Variants in FBXL13 observed in about 807,000 individuals in gnomAD.
FBXL13 encodes the protein F-box and leucine-rich repeat protein 13.
In FBXL13, 67 loss-of-function variants were observed where a neutral mutation model predicts 83.6. The ratio of observed to expected loss-of-function variants is 0.80; its 90% CI spans 0.66 to 0.98. The LOEUF (loss-of-function observed/expected upper bound fraction) is 0.98. Ranked by LOEUF, FBXL13 falls within the 50% of genes least tolerant of loss-of-function variation. The probability of loss-of-function intolerance (pLI) is 0.00; values close to 1 mark genes in which losing one functional copy is unlikely to be tolerated. For synonymous variants in FBXL13, 272 were observed against 299.5 expected (o/e 0.91, Z 0.95); for missense variants, 822 against 866.5 (o/e 0.95, Z 0.64).
rs142101538 is a variant in FBXL13, at chr7:102,842,983, C to T, written c.1720-10009G>A. On this transcript the variant is annotated intron_variant, in intron 17 of 19. Transcript: ENST00000313221. ...GCTTATGATTGTGCCACATGGCTGCCGCCCTTCCCAGTCCCTTATGCCGAA... is the reference window on the plus strand; with the variant it reads ...GCTTATGATTGTGCCACATGGCTGCTGCCCTTCCCAGTCCCTTATGCCGAA... Among the ~76,000 whole-genome samples the T allele has an allele frequency of 2.0e-3, 308 of 152,330 alleles. 7 individuals are homozygous for T. In the East Asian group the frequency reaches 0.052, roughly 26 times the overall value.
intron 1 of FBXL13, among the ~76,000 whole-genome samples, chr7:103,060,045 T>TATATATATATATAC (rs1797736994): frequency 1.0e-5 from 1 of 98,940 alleles, no homozygotes; most frequent in Admixed American, 9.0e-5. Flanking sequence ...TATATATATA[T>TATATATATATATAC]ATATATATAT....
At chr7:102,845,586 C>T (rs1803797516) in intron 17 of FBXL13, among the ~76,000 whole-genome samples, 1 of 152,190 alleles carries the variant, frequency 6.6e-6, no homozygotes, top group African/African-American at 2.4e-5. Flanking sequence ...TCTTTAACCA[C>T]ATCTTCACAC....
intron 11 of FBXL13, among the ~76,000 whole-genome samples, chr7:102,898,564 T>C (rs1812565016): frequency 6.6e-6 from 1 of 152,126 alleles, no homozygotes. Context: ...GTGTGGGGAT[T>C]ACAAGCATGA....
chr7:102,840,541 C>G (rs990172432), intron 17 of FBXL13, among the ~76,000 whole-genome samples: 2 of 152,188 alleles, frequency 1.3e-5, no homozygotes, highest in Admixed American at 6.5e-5. Context: ...TGTTCTTAGT[C>G]TTTCCCAAGA....
At chr7:103,018,834 T>C (rs1199152107) in intron 6 of FBXL13, among the ~76,000 whole-genome samples, 1 of 151,070 alleles carries the variant, frequency 6.6e-6, no homozygotes, top group African/African-American at 2.4e-5. Context: ...AGCAAGTCCT[T>C]AGAGACCTAC....
intron 6 of FBXL13, among the ~76,000 whole-genome samples, chr7:102,995,877 G>A (rs749491189): frequency 6.6e-6 from 1 of 152,048 alleles, no homozygotes; most frequent in Non-Finnish European, 1.5e-5. Context: ...GCAAAAACTG[G>A]CAATGATTTC....
At chr7:102,887,457 ATG>A (rs1410930832) in intron 11 of FBXL13, among the ~76,000 whole-genome samples, 1 of 151,944 alleles carries the variant, frequency 6.6e-6, no homozygotes, top group Non-Finnish European at 1.5e-5. Context: ...AAGTGTGTGT[ATG>A]TGTGTGTATG....
At chr7:102,848,892 C>T (rs1254277591) in intron 17 of FBXL13, among the ~76,000 whole-genome samples, 2 of 151,974 alleles carry the variant, frequency 1.3e-5, no homozygotes, top group Non-Finnish European at 2.9e-5. Context: ...CCCAGCTACT[C>T]GGGAGGCTGA....
chr7:102,977,264 C>A (rs191025530), intron 6 of FBXL13, among the ~76,000 whole-genome samples: 1 of 152,096 alleles, frequency 6.6e-6, no homozygotes, highest in Non-Finnish European at 1.5e-5. Context: ...CTAACCAAAC[C>A]GCCTCCGTCC....
chr7:102,888,446 G>A (rs866499452), intron 11 of FBXL13, among the ~76,000 whole-genome samples: 6 of 152,378 alleles, frequency 3.9e-5, no homozygotes, highest in Middle Eastern at 3.4e-3. Flanking sequence ...GGCTGAGGCA[G>A]GAGAATCGCC....
At chr7:102,923,430 G>A (rs576739537) in intron 10 of FBXL13, among the ~76,000 whole-genome samples, 10 of 152,254 alleles carry the variant, frequency 6.6e-5, no homozygotes, top group African/African-American at 1.9e-4. Flanking sequence ...CATTTTCACC[G>A]TAGAGATACA....
chr7:102,827,334 G>A (rs1799908034), intron 18 of FBXL13, among the ~76,000 whole-genome samples: 1 of 152,038 alleles, frequency 6.6e-6, no homozygotes, highest in Admixed American at 6.6e-5. Flanking sequence ...GCAACCCTGG[G>A]GCCAACCACT....
At chr7:102,942,716 C>T (rs1356105425) in intron 8 of FBXL13, among the ~76,000 whole-genome samples, 1 of 152,000 alleles carries the variant, frequency 6.6e-6, no homozygotes, top group Non-Finnish European at 1.5e-5. Flanking sequence ...TTGCTTGGTA[C>T]CAAAATAGAA....
In FBXL13 at chr7:102,834,133, AG is replaced by A. The variant is rs1169955247; in HGVS notation, c.1720-1160del. ...AAGAAAGAAAGAAAGAAAGAAAGAA[AG>A]AAAGAAAAGAGAAGACAAGAGAAAA... On this transcript the variant is annotated intron_variant, in intron 17 of 19. Transcript: ENST00000313221. Among the ~76,000 whole-genome samples the A allele has an allele frequency of 1.1e-4, 9 of 83,592 alleles. 1 individual carries two copies. Among genetic ancestry groups the A allele is most frequent in the African/African-American group, 5.0e-4 (9 of 18,002 alleles). 54.8% of individuals were successfully genotyped at this position (83,592 alleles called of 152,430 possible). A position where few individuals can be genotyped will look rare whatever the true frequency, so the allele number is the denominator to read the frequency against.
intron 16 of FBXL13, among the ~76,000 whole-genome samples, chr7:102,871,150 C>T (rs754890918): frequency 1.3e-5 from 2 of 152,064 alleles, no homozygotes; most frequent in Admixed American, 6.5e-5. Flanking sequence ...CCTCATGCCC[C>T]TATGCCCTCC....
intron 2 of FBXL13, among the ~76,000 whole-genome samples, chr7:103,032,149 A>G (rs1794574263): frequency 1.3e-5 from 2 of 152,338 alleles, no homozygotes; most frequent in Admixed American, 6.5e-5. Flanking sequence ...AAAAGATATT[A>G]TATGTAGCAT....
intron 16 of FBXL13, among the ~76,000 whole-genome samples, chr7:102,870,334 TAAAG>T (rs1394374102): frequency 5.3e-5 from 8 of 152,276 alleles, no homozygotes; most frequent in African/African-American, 1.7e-4. Context: ...TATGTTTTCT[TAAAG>T]AAAGAATGAA....
chr7:102,874,217 G>A (rs187390747), intron 16 of FBXL13: 78 of 295,598 alleles, frequency 2.6e-4, no homozygotes, highest in African/African-American at 1.5e-3. Flanking sequence ...TGAATGTTAC[G>A]TCTGTAGTCA....
At chr7:103,066,672 C>T (rs897872937) in intron 1 of FBXL13, among the ~76,000 whole-genome samples, 1 of 152,048 alleles carries the variant, frequency 6.6e-6, no homozygotes, top group Non-Finnish European at 1.5e-5. Context: ...GGATTACAGG[C>T]GTGAGCCACT....
Sources: gnomAD v4.1 joint callset for allele counts (sites outside exome capture counted in the v4.1 genomes callset) on GRCh38, gnomAD v4.1.1 for gene constraint, MANE v1.5 for transcripts, NCBI Gene and HGNC (gene_info 2026-07-23, HGNC 2026-07-21) for gene names.